RDH12: variants seen among roughly 807,000 people sequenced by gnomAD.
RDH12 encodes all-trans and 9-cis retinol dehydrogenase.
In RDH12, 21 loss-of-function variants were observed where a neutral mutation model predicts 34.0. That is an observed-to-expected ratio of 0.62 (90% CI 0.44 to 0.89). The LOEUF is 0.89. RDH12 is among the 40% of genes least tolerant of loss of function. The probability of loss-of-function intolerance (pLI) is 0.00; values close to 1 mark genes in which losing one functional copy is unlikely to be tolerated. For synonymous variants in RDH12, 198 were observed against 169.9 expected (o/e 1.17, Z -1.29); for missense variants, 394 against 398.6 (o/e 0.99, Z 0.10).
chr14:67,710,729 T>TC (rs1433730533), intron 1 of RDH12, among the ~76,000 whole-genome samples: 1 of 152,016 alleles, frequency 6.6e-6, no homozygotes, highest in African/African-American at 2.4e-5. Flanking sequence ...GGACACACTT[T>TC]TTTTTTTAGA....
At chr14:67,720,362 T>C (rs1192271072) in intron 1 of RDH12, among the ~76,000 whole-genome samples, 1 of 152,250 alleles carries the variant, frequency 6.6e-6, no homozygotes. Flanking sequence ...TGATGGTTTT[T>C]GTCATGCTCA....
At chr14:67,721,652 C>G (rs935622865) in intron 2 of RDH12, among the ~76,000 whole-genome samples, 5 of 151,980 alleles carry the variant, frequency 3.3e-5, no homozygotes, top group African/African-American at 1.2e-4. Flanking sequence ...AACAGCTAAC[C>G]ATAACAGCTG....
chr14:67,721,871 G>A (rs953929388), intron 2 of RDH12, among the ~76,000 whole-genome samples: 6 of 152,006 alleles, frequency 3.9e-5, no homozygotes, highest in East Asian at 1.9e-4. Flanking sequence ...GCCCAGGGCC[G>A]TGGAGCTTTT....
chr14:67,721,696 G>A (rs1473284398), intron 2 of RDH12, among the ~76,000 whole-genome samples: 2 of 150,696 alleles, frequency 1.3e-5, no homozygotes, highest in Admixed American at 6.7e-5. Flanking sequence ...TGCCAGTTTC[G>A]TTTTCCACCA....
At chr14:67,715,848 G>A (rs1425044232) in intron 1 of RDH12, among the ~76,000 whole-genome samples, 2 of 152,170 alleles carry the variant, frequency 1.3e-5, no homozygotes, top group Non-Finnish European at 2.9e-5. Flanking sequence ...GGTTCCATGT[G>A]CTGGGGGAAC....
chr14:67,714,076 A>T (rs1246679777), intron 1 of RDH12, among the ~76,000 whole-genome samples: 2 of 152,200 alleles, frequency 1.3e-5, no homozygotes, highest in African/African-American at 4.8e-5. Flanking sequence ...TTCCTTTCAC[A>T]GTAGCAACTA....
chr14:67,716,102 C>T (rs1484078006), intron 1 of RDH12, among the ~76,000 whole-genome samples: 1 of 151,156 alleles, frequency 6.6e-6, no homozygotes, highest in Non-Finnish European at 1.5e-5. Flanking sequence ...GAGACTGAGG[C>T]AGGAGAATGG....
intron 1 of RDH12, among the ~76,000 whole-genome samples, chr14:67,710,694 C>T (rs2038000487): frequency 6.6e-6 from 1 of 151,552 alleles, no homozygotes; most frequent in African/African-American, 2.4e-5. Context: ...TTGAATTAGA[C>T]AAAAATTTTT....
chr14:67,729,430 G>A (rs1421081827), intron 8 of RDH12, 50 bp downstream of exon 8: 4 of 1,554,160 alleles, frequency 2.6e-6, no homozygotes, highest in Admixed American at 1.7e-5. Context: ...CATGGGAGGT[G>A]CCGGACTCGC....
intron 1 of RDH12, among the ~76,000 whole-genome samples, chr14:67,716,514 G>A (rs986177284): frequency 1.3e-5 from 2 of 152,246 alleles, no homozygotes; most frequent in African/African-American, 2.4e-5. Flanking sequence ...GTGTACACAC[G>A]TGTTTGTGTG....
At chr14:67,704,269 G>A (rs557996766) in intron 1 of RDH12, among the ~76,000 whole-genome samples, 1 of 151,986 alleles carries the variant, frequency 6.6e-6, no homozygotes, top group Non-Finnish European at 1.5e-5. Flanking sequence ...GCAGCTAGAG[G>A]CAAAAAGGAG....
At chr14:67,730,189 T>C (rs1247834242) in intron 8 of RDH12, among the ~76,000 whole-genome samples, 2 of 152,190 alleles carry the variant, frequency 1.3e-5, no homozygotes, top group Non-Finnish European at 2.9e-5. Flanking sequence ...CACATGAAAC[T>C]GAGGCGCAAG....
In RDH12 at chr14:67,729,134, G is replaced by T. The variant is rs1345183353; in HGVS notation, c.659-57G>T. The T allele has an allele frequency of 1.9e-6, 3 of 1,552,992 alleles. No homozygotes were observed. In the African/African-American group the frequency reaches 4.1e-5, roughly 21 times the overall value. ...TTGTGTATTTTGCTGCAGGAGATAA[G>T]CTGTTTTCCTGGGCTCAGAGTGTGT... On this transcript the variant is annotated intron_variant, in intron 7 of 8. Transcript: ENST00000551171.
intron 1 of RDH12, among the ~76,000 whole-genome samples, chr14:67,713,662 TTAATTTG>T (rs1309004848): frequency 6.6e-6 from 1 of 152,154 alleles, no homozygotes; most frequent in Non-Finnish European, 1.5e-5. Flanking sequence ...CAGGTCTCAG[TTAATTTG>T]TAAAGTTTAT....
intron 7 of RDH12, chr14:67,727,457 C>A: frequency 4.9e-6 from 2 of 410,274 alleles, no homozygotes; most frequent in South Asian, 2.4e-5. Flanking sequence ...TAGCTTTTTG[C>A]AACAGACAGA....
chr14:67,712,038 G>T (rs1372537514), intron 1 of RDH12, among the ~76,000 whole-genome samples: 1 of 152,074 alleles, frequency 6.6e-6, no homozygotes, highest in African/African-American at 2.4e-5. Context: ...TCCTGCCTCA[G>T]CCCCCTGAGT....
At chr14:67,720,100 A>G (rs1436058705) in intron 1 of RDH12, among the ~76,000 whole-genome samples, 4 of 152,286 alleles carry the variant, frequency 2.6e-5, no homozygotes, top group South Asian at 2.1e-4. Context: ...TCATACTACA[A>G]TCTTTTTGAC....
At chr14:67,718,812 A>G (rs764010828) in intron 1 of RDH12, among the ~76,000 whole-genome samples, 12 of 152,198 alleles carry the variant, frequency 7.9e-5, no homozygotes, top group Non-Finnish European at 1.3e-4. Flanking sequence ...GGCTTTGCTT[A>G]TGTGCCAAAG....
intron 1 of RDH12, among the ~76,000 whole-genome samples, chr14:67,718,981 A>G (rs183551833): frequency 6.6e-6 from 1 of 152,348 alleles, no homozygotes; most frequent in African/African-American, 2.4e-5. Flanking sequence ...ATAAAAGTTT[A>G]TTGGAAGCCA....
Sources: gnomAD v4.1 joint callset for allele counts (sites outside exome capture counted in the v4.1 genomes callset) on GRCh38, gnomAD v4.1.1 for gene constraint, MANE v1.5 for transcripts, NCBI Gene and HGNC (gene_info 2026-07-23, HGNC 2026-07-21) for gene names.